The following CLEC2A variants were observed in gnomAD, a reference collection of about 807,000 sequenced individuals.
CLEC2A encodes the protein C-type lectin domain family 2 member A.
A neutral mutation model predicts 18.6 loss-of-function variants in CLEC2A; 19 were observed. That is an observed-to-expected ratio of 1.02 (90% CI 0.71 to 1.50). The LOEUF (loss-of-function observed/expected upper bound fraction) is 1.50, where lower values mean the gene tolerates loss of function less well. Among genes scored for constraint, CLEC2A ranks in the 40% most tolerant of loss-of-function variants. The probability of loss-of-function intolerance (pLI) is 0.00; values close to 1 mark genes in which losing one functional copy is unlikely to be tolerated. For missense variants in CLEC2A, 190 were observed against 207.9 expected, an observed-to-expected ratio of 0.91 and a Z score of 0.53; for synonymous variants, 74 against 64.0, an observed-to-expected ratio of 1.16 and a Z score of -0.75.
downstream of CLEC2A, among the ~76,000 whole-genome samples, chr12:9,896,206 A>T (rs1862754021): frequency 6.6e-6 from 1 of 152,208 alleles, no homozygotes. Context: ...GAAGCAGTAT[A>T]TGTACAAATA....
chr12:9,894,225 A>G (rs1301020775), downstream of CLEC2A, among the ~76,000 whole-genome samples: 1 of 138,758 alleles, frequency 7.2e-6, no homozygotes, highest in Non-Finnish European at 1.5e-5. Flanking sequence ...TCTGTGGCTC[A>G]GGCTGGAGTG....
downstream of CLEC2A, among the ~76,000 whole-genome samples, chr12:9,912,517 C>T (rs988535428): frequency 4.6e-5 from 7 of 152,154 alleles, no homozygotes; most frequent in Non-Finnish European, 8.8e-5. Flanking sequence ...CGCCTCTTCT[C>T]GAGCACCCAT....
At chr12:9,891,150 A>G in the CLEC2A span, among the ~76,000 whole-genome samples, 2 of 151,828 alleles carry the variant, frequency 1.3e-5, no homozygotes, top group Non-Finnish European at 2.9e-5. Context: ...GTGTCATTTA[A>G]CTCTACAAAG....
In CLEC2A at chr12:9,898,987, G is replaced by A. The variant is rs1235663270; in HGVS notation, c.411-11C>T. 6 of 712,654 alleles carry A rather than the reference G, an allele frequency of 8.4e-6. No homozygotes were observed. The South Asian group carries it at 8.9e-5, about 11-fold the overall frequency. 44.1% of individuals were successfully genotyped at this position (712,654 alleles called of 1,614,324 possible). ...TTGGAGTTTGATGGCCTGAAAGCAA[G>A]AACAGACAAACCGGATTATTAGAAA... On this transcript the variant is annotated splice_polypyrimidine_tract_variant and intron_variant, in intron 4 of 4. Coordinates refer to the CLEC2A transcript ENST00000339766.
chr12:9,881,457 A>C, the CLEC2A span: 1 of 594,574 alleles, frequency 1.7e-6, no homozygotes, highest in African/African-American at 1.9e-5. Flanking sequence ...TCTGTGTCTG[A>C]GTAAATTTTG....
At chr12:9,906,812 A>C (rs570839015) in intron 4 of CLEC2A, among the ~76,000 whole-genome samples, 1 of 152,260 alleles carries the variant, frequency 6.6e-6, no homozygotes, top group East Asian at 1.9e-4. Context: ...ATCTGGTCTG[A>C]CTTTTGTGTG....
chr12:9,926,413 T>C, intron 1 of CLEC2A, 70 bp from the exon 2 acceptor site: 1 of 901,786 alleles, frequency 1.1e-6, no homozygotes, highest in Non-Finnish European at 1.8e-6. Flanking sequence ...TACTGGTGTA[T>C]TCCTCTCCTA....
downstream of CLEC2A, among the ~76,000 whole-genome samples, chr12:9,911,055 T>C (rs1413274821): frequency 6.6e-6 from 1 of 152,182 alleles, no homozygotes; most frequent in African/African-American, 2.4e-5. Flanking sequence ...AGAGTTTTTA[T>C]TCCTAACACG....
At chr12:9,925,954 C>T (rs538173197) in intron 2 of CLEC2A, among the ~76,000 whole-genome samples, 1 of 152,292 alleles carries the variant, frequency 6.6e-6, no homozygotes, top group South Asian at 2.1e-4. Context: ...CTAGACTGAA[C>T]CCCTGGCATT....
intron 2 of CLEC2A, among the ~76,000 whole-genome samples, chr12:9,923,648 A>G (rs1368735577): frequency 1.3e-5 from 2 of 152,168 alleles, no homozygotes; most frequent in African/African-American, 2.4e-5. Flanking sequence ...TTGTGGCACT[A>G]TTCACAATAG....
At chr12:9,926,962 T>A (rs1378925277) in intron 1 of CLEC2A, among the ~76,000 whole-genome samples, 1 of 152,160 alleles carries the variant, frequency 6.6e-6, no homozygotes, top group East Asian at 1.9e-4. Flanking sequence ...ATTCTATTAA[T>A]GATAAAGTAA....
chr12:9,912,444 C>A (rs74063396), downstream of CLEC2A, among the ~76,000 whole-genome samples: 23,567 of 152,038 alleles, frequency 0.16, 2,774 homozygotes, highest in East Asian at 0.42. Flanking sequence ...GTTTCCCCCA[C>A]CCTCAGAAGC....
intron 4 of CLEC2A, among the ~76,000 whole-genome samples, chr12:9,901,573 C>T (rs1862829899): frequency 6.6e-6 from 1 of 152,122 alleles, no homozygotes; most frequent in Admixed American, 6.5e-5. Context: ...ATCCCATGTA[C>T]CTAAACATGT....
At chr12:9,905,603 T>C (rs1227605318) in intron 4 of CLEC2A, among the ~76,000 whole-genome samples, 1 of 152,204 alleles carries the variant, frequency 6.6e-6, no homozygotes, top group Non-Finnish European at 1.5e-5. Flanking sequence ...ATTTAGTCCA[T>C]GGGAACCAAG....
At chr12:9,894,153 T>C (rs866493126), downstream of CLEC2A, among the ~76,000 whole-genome samples, 4 of 143,980 alleles carry the variant, frequency 2.8e-5, no homozygotes, top group Admixed American at 2.8e-4. Context: ...TCTCTCTCTC[T>C]CCCTCCCTTC....
At chr12:9,929,210 T>C (rs1391641816) in intron 1 of CLEC2A, among the ~76,000 whole-genome samples, 1 of 152,222 alleles carries the variant, frequency 6.6e-6, no homozygotes, top group Non-Finnish European at 1.5e-5. Flanking sequence ...CTGAAAATAT[T>C]GCAGATACAA....
chr12:9,882,920 A>C, the CLEC2A span, among the ~76,000 whole-genome samples: 57 of 152,376 alleles, frequency 3.7e-4, no homozygotes, highest in African/African-American at 1.3e-3. Flanking sequence ...TTTTATGTGG[A>C]TGTTAAACTA....
At chr12:9,879,309 T>C in the CLEC2A span, among the ~76,000 whole-genome samples, 1 of 152,198 alleles carries the variant, frequency 6.6e-6, no homozygotes, top group African/African-American at 2.4e-5. Context: ...GACTTCCATA[T>C]AGTTAGTAGG....
downstream of CLEC2A, among the ~76,000 whole-genome samples, chr12:9,912,419 AG>A (rs748147045): frequency 2.8e-4 from 42 of 152,250 alleles, no homozygotes; most frequent in Non-Finnish European, 5.7e-4. Flanking sequence ...TTAGAGTGAC[AG>A]GGTTTGGGGG....
Sources: gnomAD v4.1 joint callset for allele counts (sites outside exome capture counted in the v4.1 genomes callset) on GRCh38, gnomAD v4.1.1 for gene constraint, MANE v1.5 for transcripts, NCBI Gene and HGNC (gene_info 2026-07-23, HGNC 2026-07-21) for gene names.